ROBO3: variants seen among roughly 807,000 people sequenced by gnomAD.
The protein encoded by ROBO3 is roundabout guidance receptor 3, also known as roundabout homolog 3.
Under a neutral mutation model 160.5 loss-of-function variants are expected in ROBO3, and 97 were observed. The observed-to-expected ratio is 0.60, with a 90% CI of 0.51 to 0.72. The LOEUF (loss-of-function observed/expected upper bound fraction) is 0.72, where lower values mean the gene tolerates loss of function less well. ROBO3 is among the 30% of genes least tolerant of loss of function. The pLI is 0.00. For missense variants in ROBO3, 1,858 were observed against 1,846.5 expected (o/e 1.01, Z -0.11); for synonymous variants, 780 against 746.2 (o/e 1.05, Z -0.74).
At chr11:124,875,025 GGGAGGA>G in intron 13 of ROBO3, 80 bp from the exon 14 acceptor site, 1 of 1,512,274 alleles carries the variant, frequency 6.6e-7, no homozygotes, top group South Asian at 1.3e-5. Context: ...CGGCATGAGT[GGGAGGA>G]GGGGCTGGGC....
rs375932438 is a variant in ROBO3, at chr11:124,877,351, C to T, written c.2846+42C>T. On this transcript the variant is annotated intron_variant, in intron 19 of 27. Coordinates refer to ENST00000397801, the MANE Select transcript of ROBO3 (RefSeq NM_022370.4). ...ATTTCCTCAGGATGACCTCCACCGACAGGCCACTCTTCTTCCGCCCCGCTG... is the reference window on the plus strand; with the variant it reads ...ATTTCCTCAGGATGACCTCCACCGATAGGCCACTCTTCTTCCGCCCCGCTG... 1.1e-5 allele frequency: 17 copies of T among 1,611,280 alleles called. No individual in the cohort carries two copies. In the African/African-American group the frequency reaches 2.1e-4, roughly 20 times the overall value.
chr11:124,870,853 C>T (rs1429981345), intron 6 of ROBO3, 125 bp downstream of exon 6: 6 of 1,518,034 alleles, frequency 4.0e-6, no homozygotes, highest in African/African-American at 2.7e-5. Flanking sequence ...GAGACTTCTG[C>T]AAGGAGTGGG....
intron 17 of ROBO3, 160 bp from the exon 18 acceptor site, chr11:124,877,001 A>C: frequency 1.2e-6 from 1 of 815,400 alleles, no homozygotes; most frequent in African/African-American, 1.7e-5. Flanking sequence ...AAATACCGAC[A>C]CCTGAGTCCC....
Position 124,869,447 on chromosome 11 carries a change from CAGTCCT to C in ROBO3, c.488-2_491del. 6.7e-7 allele frequency: 1 copy of C among 1,493,284 alleles called. No homozygotes were observed. The highest frequency in any genetic ancestry group is 9.1e-7 in the Non-Finnish European group (1 of 1,097,134). The allele number at this position is 1,493,284 out of a possible 1,614,324, so 92.5% of individuals were successfully genotyped here. ...TTATTTCGCCCCCCACCGCCCCGCC[CAGTCCT>C]CCGTGATGATTTCCGGCAGTCTCCT... On this transcript the variant is annotated splice_acceptor_variant and coding_sequence_variant, in exon 3 of 28. Coordinates refer to ENST00000397801, the MANE Select transcript of ROBO3 (RefSeq NM_022370.4). LOFTEE classifies it high-confidence loss of function. The surrounding 1 kb of genome is among the most constrained non-coding windows in gnomAD (Gnocchi z 4.2).
Position 124,873,070 on chromosome 11 carries a change from T to C in ROBO3, c.1517T>C (p.Leu506Pro). ...TTCAAGACAATGGCCAACGGTACCC[T>C]GTACATCGCCAATGTGCAGGTGAGT... ...LQFKTMANGT[L>P]YIANVQEMDM... The change falls in exon 9 of 28, where the codon CTG becomes CCG. Residue 506 changes from leucine to proline, a missense_variant. Leu to Pro is a moderately conservative substitution (Grantham distance 98, BLOSUM62 -3). Coordinates refer to ENST00000397801, the MANE Select transcript of ROBO3 (RefSeq NM_022370.4). The surrounding 1 kb of genome is among the most constrained non-coding windows in gnomAD (Gnocchi z 4.5). The C allele has an allele frequency of 6.2e-7, 1 of 1,613,744 alleles. No homozygotes were observed. The highest frequency in any genetic ancestry group is 8.5e-7 in the Non-Finnish European group (1 of 1,179,768).
In ROBO3 at chr11:124,869,123, T is replaced by A; in HGVS notation, c.482T>A (p.Val161Glu). The A allele has an allele frequency of 6.4e-7, 1 of 1,553,354 alleles. No homozygotes were observed. The highest frequency in any genetic ancestry group is 8.7e-7 in the Non-Finnish European group (1 of 1,149,830). Reference protein sequence around the residue: ...AAASRNASLEVAVLRDDFRQS... With the variant: ...AAASRNASLEEAVLRDDFRQS... ...GCGAGCAGAAACGCCTCGCTGGAAG[T>A]GGCAGGTGAGAGTCAGTTGACCGTC... is the stretch of plus-strand genomic sequence containing the variant. The change falls in exon 2 of 28, where the codon GTG (valine) becomes GAG (glutamate). Residue 161 changes from valine to glutamate, a missense_variant. Coordinates refer to ENST00000397801, the MANE Select transcript of ROBO3 (RefSeq NM_022370.4). The surrounding 1 kb of genome is among the most constrained non-coding windows in gnomAD (Gnocchi z 4.2).
In ROBO3 at chr11:124,876,494, G is replaced by T. The variant is rs1233943040; in HGVS notation, c.2779+34G>T. 18 of 1,357,206 alleles carry T rather than the reference G, an allele frequency of 1.3e-5. No homozygotes were observed. The highest frequency in any genetic ancestry group is 1.7e-5 in the Non-Finnish European group (18 of 1,060,208). 84.1% of individuals were successfully genotyped at this position (1,357,206 alleles called of 1,614,324 possible). On this transcript the variant is annotated intron_variant, in intron 17 of 27. Coordinates refer to ENST00000397801, the MANE Select transcript of ROBO3 (RefSeq NM_022370.4). The surrounding 1 kb of genome is among the most constrained non-coding windows in gnomAD (Gnocchi z 5.3). ...CCGGCCTCGGAGCGGACGGATCCGG[G>T]AGGGAGCCAGGCGGCCCATGGGGAG... is the stretch of plus-strand genomic sequence containing the variant.
chr11:124,872,820 A>AG lies in ROBO3; in HGVS notation c.1331-64_1331-63insG. The AG allele has an allele frequency of 7.3e-7, 1 of 1,369,246 alleles. No homozygotes were observed. Among genetic ancestry groups the AG allele is most frequent in the Non-Finnish European group, 9.8e-7 (1 of 1,016,040 alleles). The allele number at this position is 1,369,246 out of a possible 1,614,324, so 84.8% of individuals were successfully genotyped here. Reference sequence around the variant, plus strand: ...GAGGGTGAAGGAGCAGAGAATGAGGACAAGGGGCTGCCCGCGGGGCCCTAA... The same window carrying AG: ...GAGGGTGAAGGAGCAGAGAATGAGGAGCAAGGGGCTGCCCGCGGGGCCCTAA... On this transcript the variant is annotated intron_variant, in intron 8 of 27. Coordinates refer to ENST00000397801, the MANE Select transcript of ROBO3 (RefSeq NM_022370.4). This position sits in a 1 kb window ranked among gnomAD's most constrained non-coding sequence, Gnocchi z 4.3.
intron 27 of ROBO3, 66 bp from the exon 28 acceptor site, chr11:124,881,173 C>A: frequency 6.6e-7 from 1 of 1,523,842 alleles, no homozygotes; most frequent in Non-Finnish European, 9.0e-7. Context: ...AAAGCCTGAG[C>A]CCTTCCTGGA....
At position 124,878,078 on chromosome 11, in the gene ROBO3, A is replaced by C. The variant is rs1946448502; in HGVS notation, c.3128A>C (p.Asp1043Ala). 1 of 1,612,268 alleles carries C rather than the reference A, an allele frequency of 6.2e-7. No homozygotes were observed. The highest frequency in any genetic ancestry group is 1.3e-5 in the African/African-American group (1 of 74,870). The change falls in exon 21 of 28, where the codon GAT becomes GCT. Residue 1043 changes from aspartate (D) to alanine (A), a missense_variant. Transcript: ENST00000397801. This position sits in a 1 kb window ranked among gnomAD's most constrained non-coding sequence, Gnocchi z 4.3. Reference sequence around the variant, plus strand: ...GGCTTCCCCCAACATCCCTCAGGAGATCTGGGTCCCTGGAGCCAGTACGCT... The same window carrying C: ...GGCTTCCCCCAACATCCCTCAGGAGCTCTGGGTCCCTGGAGCCAGTACGCT... The part of the protein sequence containing the change: ...HGGFPQHPSG[D>A]LGPWSQYAPP...
In ROBO3 at chr11:124,873,389, G is replaced by A. The variant is rs1244896145; in HGVS notation, c.1616G>A (p.Arg539Gln). 23 of 1,610,588 alleles carry A rather than the reference G, an allele frequency of 1.4e-5. No homozygotes were observed. Among genetic ancestry groups the A allele is most frequent in the Middle Eastern group, 1.6e-4 (1 of 6,084 alleles). ...ACATGGAGCGGCTGGCTTAAGATGC[G>A]GGGTGAGTTTTTTCTTTCTTCCCTT... ...EATWSGWLKM[R>Q]EDWGVSPDPP... Residue 539 changes from arginine (R) to glutamine (Q), a missense_variant and splice_region_variant, in exon 10 of 28, where the codon CGG (arginine) becomes CAG (glutamine). Physicochemically the swap from Arg to Gln is conservative, Grantham distance 43. Coordinates refer to ENST00000397801, the MANE Select transcript of ROBO3 (RefSeq NM_022370.4). The surrounding 1 kb of genome is among the most constrained non-coding windows in gnomAD (Gnocchi z 4.5).
At position 124,878,368 on chromosome 11, in the gene ROBO3, C is replaced by T. The variant is rs372819587; in HGVS notation, c.3252C>T (p.Ala1084=). ...VQMPSLNWPE[A]LPPPPPSCEL... ...TGCCCTCTCTGAACTGGCCAGAAGC[C>T]CTGCCCCCACCTCCTCCTTCTTGTG... is the stretch of plus-strand genomic sequence containing the variant. The change falls in exon 22 of 28, where the codon GCC becomes GCT. Residue 1084 remains alanine (A), a synonymous_variant. Coordinates refer to ENST00000397801, the MANE Select transcript of ROBO3 (RefSeq NM_022370.4). The surrounding 1 kb of genome is among the most constrained non-coding windows in gnomAD (Gnocchi z 4.3). 3 of 1,613,814 alleles carry T rather than the reference C, an allele frequency of 1.9e-6. No individual in the cohort carries two copies. The highest frequency in any genetic ancestry group is 4.5e-5 in the East Asian group (2 of 44,886).
Position 124,865,873 on chromosome 11 carries a change from G to A in ROBO3, c.160+136G>A, listed in dbSNP as rs1368501100. The A allele has an allele frequency of 1.0e-6, 1 of 998,070 alleles. No homozygotes were observed. The highest frequency in any genetic ancestry group is 1.4e-6 in the Non-Finnish European group (1 of 699,948). 61.8% of individuals were successfully genotyped at this position (998,070 alleles called of 1,614,324 possible). ...GCCTCCCAGCGCCTCCCTGGGTCGT[G>A]GGGTCTAAGGGATAATTTGGAGCTT... On this transcript the variant is annotated intron_variant, in intron 1 of 27. Transcript: ENST00000397801. This position sits in a 1 kb window ranked among gnomAD's most constrained non-coding sequence, Gnocchi z 5.5.
At chr11:124,875,371 A>T in intron 14 of ROBO3, 35 bp downstream of exon 14, 4 of 698,974 alleles carry the variant, frequency 5.7e-6, no homozygotes, top group Non-Finnish European at 8.8e-6. Flanking sequence ...GATGGACAAG[A>T]GGGAAGAAGG....
In ROBO3 at chr11:124,877,164, C is replaced by G. The variant is rs1194894861; in HGVS notation, c.2783C>G (p.Ser928Cys). ...CCCACGGGTTCCTTTCTGGAAGCCTCTTTTGCCTACACACCGGCAGGTAAG... is the reference window on the plus strand; with the variant it reads ...CCCACGGGTTCCTTTCTGGAAGCCTGTTTTGCCTACACACCGGCAGGTAAG... ...QRKELSHYTASFAYTPAVSFP... is the reference protein window; with the variant it reads ...QRKELSHYTACFAYTPAVSFP... Residue 928 changes from serine (S) to cysteine (C), a missense_variant, in exon 18 of 28, where the codon TCT becomes TGT. Ser to Cys is a moderately radical substitution (Grantham distance 112, BLOSUM62 -1). Transcript: ENST00000397801. 4 of 1,613,964 alleles carry G rather than the reference C, an allele frequency of 2.5e-6. No homozygotes were observed. Among genetic ancestry groups the G allele is most frequent in the South Asian group, 1.1e-5 (1 of 91,086 alleles).
intron 26 of ROBO3, among the ~76,000 whole-genome samples, 190 bp from the exon 27 acceptor site, chr11:124,880,228 G>A (rs930768704): frequency 5.9e-5 from 9 of 152,200 alleles, no homozygotes; most frequent in East Asian, 1.9e-4. Context: ...CCCCCGCAGC[G>A]TTCTGAGCAC....
Position 124,875,201 on chromosome 11 carries a change from C to T in ROBO3, c.2164C>T (p.Gln722Ter). 1 of 1,613,832 alleles carries T rather than the reference C, an allele frequency of 6.2e-7. No homozygotes were observed. The highest frequency in any genetic ancestry group is 8.5e-7 in the Non-Finnish European group (1 of 1,179,850). The stretch of plus-strand genomic sequence containing the variant: ...AGGAAGCTGGACAATGTTGGACCTA[C>T]AGTCCCCAAGCCAGCAAAGTACTGT... The part of the protein sequence containing the change: ...EGGSWTMLDL[Q>*]SPSQQSTVLR... The change falls in exon 14 of 28, where the codon CAG becomes TAG. Residue 722 changes from glutamine (Q) to a stop codon, truncating the protein, a stop_gained. Coordinates refer to ENST00000397801, the MANE Select transcript of ROBO3 (RefSeq NM_022370.4). LOFTEE classifies it high-confidence loss of function.
chr11:124,880,558 CGGAGT>C lies in ROBO3; in HGVS notation c.4100_4104del (p.Arg1367ProfsTer29), dbSNP rs767342318. On this transcript the variant is annotated frameshift_variant, in exon 27 of 28. Transcript: ENST00000397801. LOFTEE classifies it high-confidence loss of function. Reference sequence around the variant, plus strand: ...CCGGGGCCCTGGCCGGAGCCGGAGTCGGAGTCAGAGCCGGAGCCAGAGCCAAAGGC... The same window carrying C: ...CCGGGGCCCTGGCCGGAGCCGGAGTCCAGAGCCGGAGCCAGAGCCAAAGGC... The C allele has an allele frequency of 8.3e-4, 1,218 of 1,465,026 alleles. 14 individuals are homozygous for C. In the African/African-American group the frequency reaches 0.027, roughly 33 times the overall value. 90.8% of individuals were successfully genotyped at this position (1,465,026 alleles called of 1,614,324 possible). A position where few individuals can be genotyped will look rare whatever the true frequency, so the allele number is the denominator to read the frequency against.
At chr11:124,874,510 G>T (rs561883394) in intron 12 of ROBO3, among the ~76,000 whole-genome samples, 5 of 152,172 alleles carry the variant, frequency 3.3e-5, no homozygotes, top group Admixed American at 6.5e-5. Flanking sequence ...TTTACCCATA[G>T]ATAATAATAT....
Sources: allele counts gnomAD v4.1 joint callset (sites outside exome capture counted in the v4.1 genomes callset), GRCh38; gene constraint gnomAD v4.1.1; non-coding constraint Gnocchi (gnomAD v3.1); transcripts MANE v1.5; gene names NCBI Gene and HGNC (gene_info 2026-07-23, HGNC 2026-07-21).